Variants in MNS1 observed in about 807,000 individuals in gnomAD.
MNS1 encodes the protein meiosis-specific nuclear structural protein 1.
A neutral mutation model predicts 72.0 loss-of-function variants in MNS1; 63 were observed. The ratio of observed to expected loss-of-function variants is 0.87; its 90% CI spans 0.71 to 1.08. MNS1 has a LOEUF of 1.08. Ranked by LOEUF, MNS1 falls within the 50% of genes least tolerant of loss-of-function variation. The probability of loss-of-function intolerance (pLI) is 0.00; values close to 1 mark genes in which losing one functional copy is unlikely to be tolerated. For synonymous variants in MNS1, 188 were observed against 172.1 expected (o/e 1.09, Z -0.72); for missense variants, 604 against 562.4 (o/e 1.07, Z -0.75).
intron 2 of MNS1, among the ~76,000 whole-genome samples, chr15:56,459,350 T>C (rs531768010): frequency 1.3e-5 from 2 of 152,336 alleles, no homozygotes; most frequent in Admixed American, 1.3e-4. Flanking sequence ...ATTTTGTTTA[T>C]CCATTTATCA....
intron 9 of MNS1, chr15:56,429,429 T>C (rs1567144553): frequency 2.7e-6 from 1 of 372,250 alleles, no homozygotes; most frequent in Non-Finnish European, 4.7e-6. Context: ...GTAGGAGCTT[T>C]TCATAGGAAT....
intron 9 of MNS1, among the ~76,000 whole-genome samples, chr15:56,430,280 C>A (rs1217591422): frequency 6.6e-6 from 1 of 152,192 alleles, no homozygotes; most frequent in Non-Finnish European, 1.5e-5. Flanking sequence ...GATCATGGGT[C>A]ACTGCAGCTT....
intron 3 of MNS1, among the ~76,000 whole-genome samples, chr15:56,452,979 T>C (rs2050957720): frequency 6.6e-6 from 1 of 152,232 alleles, no homozygotes. Context: ...AACTCTTTTT[T>C]ACATGAGTTT....
rs1406212854 is a variant in MNS1 at position 56,444,464 on chromosome 15, C to G, written c.666G>C (p.Lys222Asn). ...EKLMIDEIVR[K>N]IYEEDQLEKQ... ...CTTACAACTGATCTTCTTCATAGATCTTCCTAACAATTTCATCAATCATGA... is the reference window on the plus strand; with the variant it reads ...CTTACAACTGATCTTCTTCATAGATGTTCCTAACAATTTCATCAATCATGA... The change falls in exon 5 of 10, where the codon AAG becomes AAC. Residue 222 changes from lysine to asparagine, a missense_variant. By Grantham distance (94) the Lys-to-Asn change is moderately conservative. Transcript: ENST00000260453. The G allele has an allele frequency of 6.2e-7, 1 of 1,606,958 alleles. No individual in the cohort carries two copies. The highest frequency in any genetic ancestry group is 2.2e-5 in the East Asian group (1 of 44,786).
intron 2 of MNS1, 144 bp downstream of exon 2, chr15:56,463,882 A>G: frequency 1.5e-6 from 1 of 659,914 alleles, no homozygotes; most frequent in Non-Finnish European, 2.5e-6. Context: ...CCAGGTCTTT[A>G]CGATTACACC....
chr15:56,457,022 A>C (rs60421271), intron 2 of MNS1, among the ~76,000 whole-genome samples: 3,172 of 152,288 alleles, frequency 0.021, 125 homozygotes, highest in African/African-American at 0.073. Context: ...CAATTGTCTC[A>C]ACATACTTTT....
intron 3 of MNS1, among the ~76,000 whole-genome samples, chr15:56,448,751 CTTTTT>C (rs34366643): frequency 1.7e-5 from 2 of 117,676 alleles, no homozygotes; most frequent in Non-Finnish European, 1.8e-5. Context: ...TTTTTAGATT[CTTTTT>C]TTTTTTTTTT....
chr15:56,437,586 A>G (rs534154400), intron 7 of MNS1, among the ~76,000 whole-genome samples: 3 of 152,286 alleles, frequency 2.0e-5, no homozygotes, highest in South Asian at 2.1e-4. Flanking sequence ...CACCACTCCT[A>G]TTCAACATAG....
chr15:56,431,444 C>T lies in MNS1; in HGVS notation c.1324G>A (p.Ala442Thr). Residue 442 changes from alanine (A) to threonine (T), a missense_variant, in exon 9 of 10, where the codon GCA becomes ACA. By Grantham distance (58) the Ala-to-Thr change is moderately conservative. Transcript: ENST00000260453. ...TTTAGCCTTTCTTCTTCAATAATTGCATTAATAAATCCTTGCCGCCTTTGC... is the reference window on the plus strand; with the variant it reads ...TTTAGCCTTTCTTCTTCAATAATTGTATTAATAAATCCTTGCCGCCTTTGC... ...LQQRRQGFIN[A>T]IIEEERLKLL... 1 of 1,613,636 alleles carries T rather than the reference C, an allele frequency of 6.2e-7. No individual in the cohort carries two copies. The highest frequency in any genetic ancestry group is 1.1e-5 in the South Asian group (1 of 91,044).
Position 56,429,080 on chromosome 15 carries a change from C to T in MNS1, c.*21G>A. On this transcript the variant is annotated 3_prime_UTR_variant, in exon 10 of 10. Transcript: ENST00000260453. ...AGTGGTAACATGCAAAAAATCTATG[C>T]TTTACCCAATTTTGATGATATCATT... 6.6e-7 allele frequency: 1 copy of T among 1,508,806 alleles called. No homozygotes were observed. The highest frequency in any genetic ancestry group is 2.3e-5 in the East Asian group (1 of 42,690). The allele number at this position is 1,508,806 out of a possible 1,614,324, so 93.5% of individuals were successfully genotyped here. A position where few individuals can be genotyped will look rare whatever the true frequency, so the allele number is the denominator to read the frequency against.
chr15:56,464,706 A>T (rs1292805942), intron 1 of MNS1, among the ~76,000 whole-genome samples: 4 of 152,038 alleles, frequency 2.6e-5, no homozygotes, highest in African/African-American at 7.2e-5. Context: ...TTTCTCCTAC[A>T]CTTTTATATC....
At chr15:56,456,788 C>A (rs1227720153) in intron 2 of MNS1, among the ~76,000 whole-genome samples, 1 of 152,044 alleles carries the variant, frequency 6.6e-6, no homozygotes. Context: ...CGACATTCTG[C>A]TAATCTTTTT....
At chr15:56,435,404 A>G (rs2050704823) in intron 7 of MNS1, among the ~76,000 whole-genome samples, 3 of 151,992 alleles carry the variant, frequency 2.0e-5, no homozygotes. Context: ...TTATCAGTGA[A>G]ATGGACAGAC....
At position 56,445,879 on chromosome 15, in the gene MNS1, C is replaced by T. The variant is rs1171010061; in HGVS notation, c.456+962G>A. 5 of 152,036 alleles carry T rather than the reference C, an allele frequency of 3.3e-5. No homozygotes were observed. The East Asian group carries it at 5.8e-4, about 18-fold the overall frequency. The allele number at this position is 152,036 out of a possible 1,614,324, so 9.4% of individuals were successfully genotyped here. A position where few individuals can be genotyped will look rare whatever the true frequency, so the allele number is the denominator to read the frequency against. On this transcript the variant is annotated intron_variant, in intron 4 of 9. Coordinates refer to ENST00000260453, the MANE Select transcript of MNS1 (RefSeq NM_018365.4). ...TTAAAACTGCAAACCACTGGACAAA[C>T]AGGACATTGTTTGTGCTACTTTCTT... is the stretch of plus-strand genomic sequence containing the variant.
At chr15:56,434,473 G>A (rs372806622) in intron 7 of MNS1, 78 bp from the exon 8 acceptor site, 20 of 1,380,510 alleles carry the variant, frequency 1.4e-5, no homozygotes, top group East Asian at 1.4e-4. Context: ...ATAGAGTTTG[G>A]TTAAATTTAG....
intron 2 of MNS1, among the ~76,000 whole-genome samples, chr15:56,459,413 T>C (rs975399179): frequency 2.6e-5 from 4 of 152,202 alleles, no homozygotes; most frequent in East Asian, 3.8e-4. Flanking sequence ...AATGCTGTTA[T>C]AGACACTCGT....
intron 7 of MNS1, among the ~76,000 whole-genome samples, chr15:56,436,860 G>A (rs1015743494): frequency 2.6e-5 from 4 of 152,122 alleles, no homozygotes; most frequent in Non-Finnish European, 5.9e-5. Context: ...TAGAAGAAAT[G>A]GATAAATTCC....
intron 2 of MNS1, among the ~76,000 whole-genome samples, chr15:56,460,001 A>ATATATATATAT (rs2051007058): frequency 2.9e-5 from 1 of 33,900 alleles, no homozygotes; most frequent in African/African-American, 1.1e-4. Context: ...AAAAAAAAAA[A>ATATATATATAT]AAAAAAAAAT....
chr15:56,444,701 C>A, intron 4 of MNS1, 28 bp from the exon 5 acceptor site: 1 of 1,570,182 alleles, frequency 6.4e-7, no homozygotes, highest in South Asian at 1.1e-5. Flanking sequence ...TTGATCTTTC[C>A]GTTTTCAAAT....
Sources: gnomAD v4.1 joint callset for allele counts (sites outside exome capture counted in the v4.1 genomes callset) on GRCh38, gnomAD v4.1.1 for gene constraint, MANE v1.5 for transcripts, NCBI Gene and HGNC (gene_info 2026-07-23, HGNC 2026-07-21) for gene names.